Variants in KNL1 observed in about 807,000 individuals in gnomAD.
KNL1 encodes the protein outer kinetochore KNL1 complex subunit KNL1.
In KNL1, 66 loss-of-function variants were observed where a neutral mutation model predicts 201.3. The observed-to-expected ratio is 0.33, with a 90% CI of 0.27 to 0.40. The LOEUF (loss-of-function observed/expected upper bound fraction) is 0.40. Among genes scored for constraint, KNL1 ranks in the 10% least tolerant of loss-of-function variants. The pLI is 1.00. For synonymous variants in KNL1, 895 were observed against 899.2 expected, an observed-to-expected ratio of 1.00 and a Z score of 0.08; for missense variants, 2,815 against 2,690.5, an observed-to-expected ratio of 1.05 and a Z score of -1.02.
intron 19 of KNL1, 22 bp downstream of exon 19, chr15:40,650,605 T>C: frequency 6.5e-7 from 1 of 1,545,530 alleles, no homozygotes. Flanking sequence ...ATCCAAGTGT[T>C]AGAAAATATA....
intron 1 of KNL1, among the ~76,000 whole-genome samples, chr15:40,602,081 C>G (rs1188435078): frequency 6.7e-6 from 1 of 150,100 alleles, no homozygotes; most frequent in South Asian, 2.1e-4. Flanking sequence ...CCAGGCCGGA[C>G]TGTGGTGGCG....
chr15:40,621,544 C>T lies in KNL1; in HGVS notation c.1280C>T (p.Thr427Ile). The T allele has an allele frequency of 6.2e-7, 1 of 1,611,364 alleles. No individual in the cohort carries two copies. Among genetic ancestry groups the T allele is most frequent in the Non-Finnish European group, 8.5e-7 (1 of 1,178,794 alleles). Residue 427 changes from threonine to isoleucine, a missense_variant, in exon 10 of 26, where the codon ACT becomes ATT. Around this residue, in one of 3 missense-constraint regions of KNL1, gnomAD observed 2,464 missense variants for 2,291.7 expected, o/e 1.08. Transcript: ENST00000399668. ...YSNPSIQGCK[T>I]VFYSSCNDAM... ...AATCCATCTATTCAAGGTTGTAAGA[C>T]TGTTTTCTATTCTAGTTGTAATGAT...
At chr15:40,613,380 TGCTATAGGTTACATGTTG>T (rs1892236054) in intron 7 of KNL1, among the ~76,000 whole-genome samples, 1 of 152,120 alleles carries the variant, frequency 6.6e-6, no homozygotes, top group Non-Finnish European at 1.5e-5. Flanking sequence ...AAAAGAACCT[TGCTATAGGTTACATGTTG>T]GCTTTGTGGT....
chr15:40,654,164 G>C (rs1893652213), intron 21 of KNL1, among the ~76,000 whole-genome samples: 1 of 152,120 alleles, frequency 6.6e-6, no homozygotes, highest in South Asian at 2.1e-4. Context: ...CAATTCAGGA[G>C]ACAGTTAACT....
intron 1 of KNL1, among the ~76,000 whole-genome samples, chr15:40,602,064 C>G (rs1269960607): frequency 6.7e-6 from 1 of 149,828 alleles, no homozygotes; most frequent in East Asian, 2.0e-4. Flanking sequence ...GAGTCTTGCT[C>G]TTTCGCCCAG....
chr15:40,642,141 T>C (rs909839399), intron 14 of KNL1, among the ~76,000 whole-genome samples: 3 of 152,248 alleles, frequency 2.0e-5, no homozygotes, highest in Non-Finnish European at 4.4e-5. Flanking sequence ...GGCTCACGCC[T>C]GTAATCCCAG....
Position 40,620,763 on chromosome 15 carries a change from G to A in KNL1, c.499G>A (p.Asp167Asn). 1.2e-6 allele frequency: 2 copies of A among 1,613,334 alleles called. No homozygotes were observed. Among genetic ancestry groups the A allele is most frequent in the Non-Finnish European group, 1.7e-6 (2 of 1,179,712 alleles). Residue 167 changes from aspartate to asparagine, a missense_variant, in exon 10 of 26, where the codon GAT (aspartate) becomes AAT (asparagine). Physicochemically the swap from Asp to Asn is conservative, Grantham distance 23. Transcript: ENST00000399668. ...TGTAATGATTACCAAAGGCCTTTTA[G>A]ATAATCCCATAAGTGAAAAGTCCAC... ...HTVMITKGLL[D>N]NPISEKSTKI...
At position 40,664,192 on chromosome 15, in the gene KNL1, T is replaced by C. The variant is rs1377411343; in HGVS notation, c.*2004T>C. 1 of 182,068 alleles carries C rather than the reference T, an allele frequency of 5.5e-6. No homozygotes were observed. Among genetic ancestry groups the C allele is most frequent in the Non-Finnish European group, 1.2e-5 (1 of 85,442 alleles). The allele number at this position is 182,068 out of a possible 1,614,324, so 11.3% of individuals were successfully genotyped here. A position where few individuals can be genotyped will look rare whatever the true frequency, so the allele number is the denominator to read the frequency against. On this transcript the variant is annotated 3_prime_UTR_variant, in exon 26 of 26. Transcript: ENST00000399668. ...ATGACGGTCTCTGCTTTTTTGGGTT[T>C]GGAGTACACAATTGTAATATTTACT...
chr15:40,652,731 C>A, intron 21 of KNL1, among the ~76,000 whole-genome samples: 1 of 139,740 alleles, frequency 7.2e-6, no homozygotes, highest in Admixed American at 7.7e-5. Flanking sequence ...CCACTGCACT[C>A]CAGCCTGGGC....
In KNL1 at chr15:40,620,662, G is replaced by A. The variant is rs755472529; in HGVS notation, c.398G>A (p.Arg133His). 12 of 1,585,304 alleles carry A rather than the reference G, an allele frequency of 7.6e-6. No individual in the cohort carries two copies. The highest frequency in any genetic ancestry group is 4.5e-5 in the East Asian group (2 of 44,686). Reference protein sequence around the residue: ...QKEFSIIEHTRERKHANDQTV... With the variant: ...QKEFSIIEHTHERKHANDQTV... ...TAGTTTTCAATTATAGAACATACCCGTGAAAGGAAACATGCAAATGACCAG... is the reference window on the plus strand; with the variant it reads ...TAGTTTTCAATTATAGAACATACCCATGAAAGGAAACATGCAAATGACCAG... The change falls in exon 10 of 26, where the codon CGT (arginine) becomes CAT (histidine). Residue 133 changes from arginine to histidine, a missense_variant. Around this residue, in one of 3 missense-constraint regions of KNL1, gnomAD observed 2,464 missense variants for 2,291.7 expected, o/e 1.08. Transcript: ENST00000399668.
rs750085080 is a variant in KNL1, at chr15:40,640,898, A to AT, written c.5683-5dup. On this transcript the variant is annotated splice_polypyrimidine_tract_variant and intron_variant, in intron 13 of 25. Coordinates refer to ENST00000399668, the MANE Select transcript of KNL1 (RefSeq NM_144508.5). ...CAAGATACCAGTTCTCAGGGACTGA[A>AT]TTTTTTTTTCCAGTTTACTGTAAAC... 2.6e-4 allele frequency: 390 copies of AT among 1,504,714 alleles called. No homozygotes were observed. Among genetic ancestry groups the AT allele is most frequent in the Non-Finnish European group, 2.9e-4 (310 of 1,086,718 alleles). The allele number at this position is 1,504,714 out of a possible 1,614,324, so 93.2% of individuals were successfully genotyped here.
intron 8 of KNL1, 43 bp from the exon 9 acceptor site, chr15:40,618,916 G>T (rs1238497467): frequency 3.9e-6 from 5 of 1,297,978 alleles, no homozygotes; most frequent in Non-Finnish European, 5.6e-6. Context: ...ATCAGGCTCA[G>T]TGTTATATTT....
intron 14 of KNL1, among the ~76,000 whole-genome samples, chr15:40,642,423 G>A (rs77553238): frequency 0.02 from 3,027 of 151,746 alleles, 102 homozygotes; most frequent in African/African-American, 0.07. Flanking sequence ...AAAGAATTAC[G>A]TAGTTTTAAA....
intron 5 of KNL1, 62 bp from the exon 6 acceptor site, chr15:40,610,183 C>A: frequency 3.3e-6 from 3 of 918,542 alleles, no homozygotes; most frequent in South Asian, 2.8e-5. Context: ...GACTATAAAT[C>A]AACACCAAAA....
intron 13 of KNL1, among the ~76,000 whole-genome samples, chr15:40,638,138 A>G (rs1463704000): frequency 2.0e-5 from 3 of 151,724 alleles, no homozygotes; most frequent in African/African-American, 7.3e-5. Flanking sequence ...CAGTGAGCCA[A>G]GATCACGCCA....
At position 40,625,572 on chromosome 15, in the gene KNL1, G is replaced by C. The variant is rs778279343; in HGVS notation, c.5308G>C (p.Asp1770His). The C allele has an allele frequency of 1.2e-6, 2 of 1,605,912 alleles. No individual in the cohort carries two copies. Among genetic ancestry groups the C allele is most frequent in the Non-Finnish European group, 1.7e-6 (2 of 1,177,982 alleles). The change falls in exon 10 of 26, where the codon GAT becomes CAT. Residue 1770 changes from aspartate (D) to histidine (H), a missense_variant. Physicochemically the swap from Asp to His is moderately conservative, Grantham distance 81. This residue lies in a region of KNL1 where 2,464 missense variants were observed against 2,291.7 expected (regional missense o/e 1.08). Coordinates refer to ENST00000399668, the MANE Select transcript of KNL1 (RefSeq NM_144508.5). ...QKRTWVQEEE[D>H]IHKEKKIRKN... ...AAGAACGTGGGTACAAGAAGAAGAA[G>C]ATATTCATAAGGAGAAAAAAATCAG... is the stretch of plus-strand genomic sequence containing the variant.
chr15:40,622,412 T>G lies in KNL1; in HGVS notation c.2148T>G (p.Ala716=), dbSNP rs888923373. Reference sequence around the variant, plus strand: ...TCTCTATGAAAAATCATGATACTGCTATAAGTAGTCATACAGTGAAATCTG... The same window carrying G: ...TCTCTATGAAAAATCATGATACTGCGATAAGTAGTCATACAGTGAAATCTG... ...GQFSMKNHDT[A]ISSHTVKSVL... is the part of the protein sequence containing the mutation. Residue 716 remains alanine (A), a synonymous_variant, in exon 10 of 26, where the codon GCT becomes GCG. Transcript: ENST00000399668. 6.2e-7 allele frequency: 1 copy of G among 1,613,830 alleles called. No individual in the cohort carries two copies. Among genetic ancestry groups the G allele is most frequent in the Admixed American group, 1.7e-5 (1 of 59,996 alleles).
chr15:40,612,200 C>G (rs1188643983), intron 7 of KNL1, among the ~76,000 whole-genome samples: 1 of 152,082 alleles, frequency 6.6e-6, no homozygotes, highest in African/African-American at 2.4e-5. Flanking sequence ...CCTGTAGTCC[C>G]AGCTACTCAG....
At chr15:40,606,578 A>G (rs1169295960) in intron 4 of KNL1, 126 bp downstream of exon 4, 6 of 556,870 alleles carry the variant, frequency 1.1e-5, no homozygotes, top group African/African-American at 9.4e-5. Flanking sequence ...ACTTGAATAT[A>G]CTGGCATTCT....
Sources: allele counts gnomAD v4.1 joint callset (sites outside exome capture counted in the v4.1 genomes callset), GRCh38; gene constraint gnomAD v4.1.1; regional missense constraint gnomAD v4.1.1; transcripts MANE v1.5; gene names NCBI Gene and HGNC (gene_info 2026-07-23, HGNC 2026-07-21).